The following LUC7L3 variants were observed in gnomAD, a reference collection of about 807,000 sequenced individuals.
LUC7L3 encodes luc7-like protein 3.
A neutral mutation model predicts 66.8 loss-of-function variants in LUC7L3; 6 were observed. The observed-to-expected ratio is 0.09, with a 90% CI of 0.05 to 0.18. The LOEUF is 0.18. Ranked by LOEUF, LUC7L3 falls within the 10% of genes least tolerant of loss-of-function variation. LUC7L3 has a pLI of 1.00. For synonymous variants in LUC7L3, 160 were observed against 174.7 expected, an observed-to-expected ratio of 0.92 and a Z score of 0.66; for missense variants, 341 against 531.1, an observed-to-expected ratio of 0.64 and a Z score of 3.52.
At position 50,751,225 on chromosome 17, in the gene LUC7L3, A is replaced by T; in HGVS notation, c.*564A>T. On this transcript the variant is annotated 3_prime_UTR_variant, in exon 10 of 10. Coordinates refer to ENST00000505658, the MANE Select transcript of LUC7L3 (RefSeq NM_016424.5). Reference sequence around the variant, plus strand: ...AATGCAGTTTGTTCTGTAACTCGAGAGCCAGTAGCATTGGATTGATGGAAG... The same window carrying T: ...AATGCAGTTTGTTCTGTAACTCGAGTGCCAGTAGCATTGGATTGATGGAAG... 1 of 1,416,654 alleles carries T rather than the reference A, an allele frequency of 7.1e-7. No individual in the cohort carries two copies. The highest frequency in any genetic ancestry group is 9.3e-7 in the Non-Finnish European group (1 of 1,072,064). 87.8% of individuals were successfully genotyped at this position (1,416,654 alleles called of 1,614,324 possible).
chr17:50,739,338 G>A (rs1239696694), intron 2 of LUC7L3, among the ~76,000 whole-genome samples: 1 of 152,180 alleles, frequency 6.6e-6, no homozygotes, highest in African/African-American at 2.4e-5. Context: ...CTATAGCTGA[G>A]TTTGAAGTGT....
chr17:50,736,844 T>TA (rs1298677308), intron 1 of LUC7L3, 116 bp from the exon 2 acceptor site: 12 of 660,294 alleles, frequency 1.8e-5, no homozygotes, highest in South Asian at 8.9e-5. Context: ...ATGAAATTCT[T>TA]ACATTGGTTG....
At chr17:50,725,236 C>A (rs189519666) in intron 1 of LUC7L3, among the ~76,000 whole-genome samples, 2 of 152,156 alleles carry the variant, frequency 1.3e-5, no homozygotes, top group Non-Finnish European at 2.9e-5. Flanking sequence ...ATGGCGAAAC[C>A]CTGTCTCTAC....
In LUC7L3 at chr17:50,736,524, A is replaced by G. The variant is rs1370814890; in HGVS notation, c.100-436A>G. On this transcript the variant is annotated intron_variant, in intron 1 of 9. Coordinates refer to ENST00000505658, the MANE Select transcript of LUC7L3 (RefSeq NM_016424.5). ...TGTTAAGGATCTTCTAAGCAAAAAG[A>G]TGGTGCCAAATTGCTTTAAATGAGT... 7.5e-5 allele frequency: 12 copies of G among 160,922 alleles called. No individual in the cohort carries two copies. The Admixed American group carries it at 7.6e-4, about 10-fold the overall frequency. 10.0% of individuals were successfully genotyped at this position (160,922 alleles called of 1,614,324 possible).
intron 1 of LUC7L3, among the ~76,000 whole-genome samples, chr17:50,726,417 C>T (rs889182299): frequency 1.3e-5 from 2 of 152,148 alleles, no homozygotes; most frequent in African/African-American, 2.4e-5. Context: ...AGTGATCCGC[C>T]CACCTTGGCC....
intron 1 of LUC7L3, among the ~76,000 whole-genome samples, chr17:50,733,702 A>G (rs538943222): frequency 1.3e-5 from 2 of 152,284 alleles, no homozygotes; most frequent in Admixed American, 1.3e-4. Flanking sequence ...TCACAGTAAT[A>G]GTAAGACTTT....
chr17:50,735,240 A>AAG (rs1567865436), intron 1 of LUC7L3, among the ~76,000 whole-genome samples: 27 of 76,106 alleles, frequency 3.5e-4, no homozygotes, highest in African/African-American at 3.0e-3. Flanking sequence ...CAAAAAAAAA[A>AAG]AAAAAGAAAA....
chr17:50,727,519 C>G (rs1009662756), intron 1 of LUC7L3, among the ~76,000 whole-genome samples: 20 of 152,102 alleles, frequency 1.3e-4, no homozygotes, highest in African/African-American at 4.8e-4. Flanking sequence ...TAGCAGTGCC[C>G]CAGCCCCCCG....
chr17:50,739,672 A>G (rs190792119), intron 2 of LUC7L3, among the ~76,000 whole-genome samples: 94 of 152,190 alleles, frequency 6.2e-4, no homozygotes, highest in Non-Finnish European at 1.5e-4. Context: ...CAAAACAACA[A>G]CAACAACAAC....
chr17:50,736,349 C>T (rs375108240), intron 1 of LUC7L3, among the ~76,000 whole-genome samples: 1 of 152,196 alleles, frequency 6.6e-6, no homozygotes, highest in East Asian at 1.9e-4. Context: ...TTTCCCCATA[C>T]TGTGGGAACC....
In LUC7L3 at chr17:50,740,236, T is replaced by A. The variant is rs911711282; in HGVS notation, c.167-70T>A. 6 of 1,079,478 alleles carry A rather than the reference T, an allele frequency of 5.6e-6. No individual in the cohort carries two copies. In the African/African-American group the frequency reaches 8.9e-5, roughly 16 times the overall value. The allele number at this position is 1,079,478 out of a possible 1,614,324, so 66.9% of individuals were successfully genotyped here. Reference sequence around the variant, plus strand: ...TTTTCTTTTTAAAAAGAAAAATAACTCTTTTTTTTTGGCAAGAAAAGGTTG... The same window carrying A: ...TTTTCTTTTTAAAAAGAAAAATAACACTTTTTTTTTGGCAAGAAAAGGTTG... On this transcript the variant is annotated intron_variant, in intron 2 of 9. Transcript: ENST00000505658.
intron 1 of LUC7L3, among the ~76,000 whole-genome samples, chr17:50,730,125 A>G (rs1482896398): frequency 6.6e-6 from 1 of 150,736 alleles, no homozygotes; most frequent in Non-Finnish European, 1.5e-5. Flanking sequence ...ATAGGCCCGC[A>G]CCACCCCTGG....
intron 1 of LUC7L3, among the ~76,000 whole-genome samples, chr17:50,735,791 C>T (rs750275248): frequency 6.6e-6 from 1 of 152,158 alleles, no homozygotes; most frequent in Non-Finnish European, 1.5e-5. Flanking sequence ...AGCCACCATG[C>T]CTGACCAACG....
At position 50,740,432 on chromosome 17, in the gene LUC7L3, G is replaced by C. The variant is rs1225039486; in HGVS notation, c.206+87G>C. The C allele has an allele frequency of 3.7e-5, 47 of 1,257,174 alleles. No homozygotes were observed. The East Asian group carries it at 1.1e-3, about 30-fold the overall frequency. 77.9% of individuals were successfully genotyped at this position (1,257,174 alleles called of 1,614,324 possible). On this transcript the variant is annotated intron_variant, in intron 3 of 9. Coordinates refer to ENST00000505658, the MANE Select transcript of LUC7L3 (RefSeq NM_016424.5). ...GGTTGAGGAATAATTGCAATTAAATGTAAAATGAGTGTCTGAGAGAAGTCC... is the reference window on the plus strand; with the variant it reads ...GGTTGAGGAATAATTGCAATTAAATCTAAAATGAGTGTCTGAGAGAAGTCC...
chr17:50,730,007 G>T (rs952842416), intron 1 of LUC7L3, among the ~76,000 whole-genome samples: 1 of 148,388 alleles, frequency 6.7e-6, no homozygotes, highest in African/African-American at 2.5e-5. Flanking sequence ...AGGCTGGAGT[G>T]CAGTGGCACA....
chr17:50,747,268 G>T, intron 9 of LUC7L3, among the ~76,000 whole-genome samples: 1 of 131,928 alleles, frequency 7.6e-6, no homozygotes, highest in African/African-American at 2.9e-5. Flanking sequence ...CCCAGTAGCT[G>T]ATTTACTGTG....
intron 7 of LUC7L3, among the ~76,000 whole-genome samples, chr17:50,745,150 C>T (rs994971962): frequency 7.2e-5 from 11 of 152,056 alleles, no homozygotes; most frequent in South Asian, 2.1e-4. Flanking sequence ...CTACCACGCC[C>T]GGCTGATTTT....
chr17:50,755,273 T>G lies in LUC7L3; in HGVS notation c.*4612T>G, dbSNP rs1477267494. 6.6e-6 allele frequency: 1 copy of G among 152,180 alleles called. No individual in the cohort carries two copies. The highest frequency in any genetic ancestry group is 1.5e-5 in the Non-Finnish European group (1 of 68,018). The allele number at this position is 152,180 out of a possible 1,614,324, so 9.4% of individuals were successfully genotyped here. A position where few individuals can be genotyped will look rare whatever the true frequency, so the allele number is the denominator to read the frequency against. Reference sequence around the variant, plus strand: ...TGCAGGAGCTTGCTGCTGTTAACAGTTATTCTTCCAAGTTGTTTTCTTTGT... The same window carrying G: ...TGCAGGAGCTTGCTGCTGTTAACAGGTATTCTTCCAAGTTGTTTTCTTTGT... On this transcript the variant is annotated 3_prime_UTR_variant, in exon 10 of 10. Coordinates refer to ENST00000505658, the MANE Select transcript of LUC7L3 (RefSeq NM_016424.5).
chr17:50,743,123 A>G (rs903326263), intron 5 of LUC7L3, among the ~76,000 whole-genome samples: 2 of 152,114 alleles, frequency 1.3e-5, no homozygotes, highest in Non-Finnish European at 2.9e-5. Context: ...CACACCTGTA[A>G]TCCCAGCACT....
Sources: gnomAD v4.1 joint callset for allele counts (sites outside exome capture counted in the v4.1 genomes callset) on GRCh38, gnomAD v4.1.1 for gene constraint, MANE v1.5 for transcripts, NCBI Gene and HGNC (gene_info 2026-07-23, HGNC 2026-07-21) for gene names.